TBC1D5: variants seen among roughly 807,000 people sequenced by gnomAD.
The protein encoded by TBC1D5 is TBC1 domain family member 5.
A neutral mutation model predicts 100.3 loss-of-function variants in TBC1D5; 75 were observed. The ratio of observed to expected loss-of-function variants is 0.75; its 90% CI spans 0.62 to 0.91. The LOEUF is 0.91. Ranked by LOEUF, TBC1D5 falls within the 40% of genes least tolerant of loss-of-function variation. The pLI, the probability that TBC1D5 is intolerant of heterozygous loss-of-function variation, is 0.00. For missense variants in TBC1D5, 910 were observed against 942.4 expected, an observed-to-expected ratio of 0.97 and a Z score of 0.45; for synonymous variants, 323 against 325.6, an observed-to-expected ratio of 0.99 and a Z score of 0.09.
intron 13 of TBC1D5, among the ~76,000 whole-genome samples, chr3:17,362,109 T>G (rs2091773935): frequency 1.3e-5 from 2 of 152,068 alleles, no homozygotes; most frequent in South Asian, 4.1e-4. Context: ...AGAAAAAAAG[T>G]TGACCAATAC....
chr3:17,483,840 G>T (rs1315120958), intron 3 of TBC1D5, among the ~76,000 whole-genome samples: 1 of 152,126 alleles, frequency 6.6e-6, no homozygotes, highest in African/African-American at 2.4e-5. Context: ...CCTGACAGCT[G>T]TAAAAAATAA....
At chr3:17,337,813 A>G (rs2088177756) in intron 13 of TBC1D5, among the ~76,000 whole-genome samples, 1 of 152,174 alleles carries the variant, frequency 6.6e-6, no homozygotes, top group Admixed American at 6.6e-5. Context: ...ACCAAAATGG[A>G]TAGTTTGATT....
intron 2 of TBC1D5, among the ~76,000 whole-genome samples, chr3:17,544,421 A>T (rs2096392232): frequency 1.3e-5 from 2 of 149,174 alleles, no homozygotes; most frequent in Non-Finnish European, 2.9e-5. Context: ...GGGAGGCCAA[A>T]GCAGGCAGAT....
upstream of TBC1D5, among the ~76,000 whole-genome samples, chr3:17,742,152 C>CCCCGCCCAGCTCGCCCTG (rs2077511903): frequency 1.3e-5 from 2 of 152,318 alleles, no homozygotes; most frequent in South Asian, 4.1e-4. Flanking sequence ...CAAGCAGCCA[C>CCCCGCCCAGCTCGCCCTG]CCCGCCCAGC....
At chr3:17,520,338 G>A (rs1202638933) in intron 2 of TBC1D5, among the ~76,000 whole-genome samples, 1 of 152,128 alleles carries the variant, frequency 6.6e-6, no homozygotes, top group African/African-American at 2.4e-5. Flanking sequence ...TATAGTAAGA[G>A]CTGGAAAGAT....
intron 1 of TBC1D5, among the ~76,000 whole-genome samples, chr3:17,664,582 G>A (rs1438972244): frequency 6.6e-6 from 1 of 152,134 alleles, no homozygotes; most frequent in African/African-American, 2.4e-5. Flanking sequence ...GGGAGAGAGG[G>A]ACAGACAAAA....
intron 17 of TBC1D5, among the ~76,000 whole-genome samples, chr3:17,214,953 G>T: frequency 6.6e-6 from 1 of 152,032 alleles, no homozygotes; most frequent in Non-Finnish European, 1.5e-5. Flanking sequence ...CAGGATCTTC[G>T]GTGTTCAAGG....
At position 17,209,136 on chromosome 3, in the gene TBC1D5, T is replaced by G. The variant is rs1401640386; in HGVS notation, c.1752+5071A>C. Among the ~76,000 whole-genome samples, 3 of 152,196 alleles carry G rather than the reference T, an allele frequency of 2.0e-5. 1 individual carries two copies. On this transcript the variant is annotated intron_variant, in intron 18 of 21. Transcript: ENST00000253692. Reference sequence around the variant, plus strand: ...TTTGTTTTTTCACCTCTATATCATCTATGTATCTATGTATCTATCTAGTCT... The same window carrying G: ...TTTGTTTTTTCACCTCTATATCATCGATGTATCTATGTATCTATCTAGTCT...
chr3:17,650,558 AAGAGAAACC>A (rs1180335938), intron 1 of TBC1D5, among the ~76,000 whole-genome samples: 3 of 152,222 alleles, frequency 2.0e-5, no homozygotes, highest in African/African-American at 7.2e-5. Flanking sequence ...CATCAGACAG[AAGAGAAACC>A]AGAAGCCAAA....
intron 1 of TBC1D5, among the ~76,000 whole-genome samples, chr3:17,627,795 C>T (rs1292209565): frequency 6.6e-6 from 1 of 151,826 alleles, no homozygotes; most frequent in Admixed American, 6.6e-5. Context: ...AAAGAAAAAG[C>T]TGGACATTTT....
At chr3:17,456,697 G>A (rs2095092705) in intron 3 of TBC1D5, among the ~76,000 whole-genome samples, 2 of 152,178 alleles carry the variant, frequency 1.3e-5, no homozygotes, top group Admixed American at 6.5e-5. Context: ...TGGTGGCAAT[G>A]TAAGTTAGTA....
At chr3:17,217,126 C>G (rs1252566188) in intron 17 of TBC1D5, among the ~76,000 whole-genome samples, 2 of 152,096 alleles carry the variant, frequency 1.3e-5, no homozygotes, top group Admixed American at 1.3e-4. Flanking sequence ...TGGAGTGATA[C>G]TATATGTGGT....
rs190217128 is a variant in TBC1D5 at position 17,162,575 on chromosome 3, G to A, written c.2095-1319C>T. On this transcript the variant is annotated intron_variant, in intron 21 of 21. Transcript: ENST00000253692. ...ACAGGCCTTGAGGTTCTTCATCTCAGGTTCTAAAGCTGTTGTTAACATTCT... is the reference window on the plus strand; with the variant it reads ...ACAGGCCTTGAGGTTCTTCATCTCAAGTTCTAAAGCTGTTGTTAACATTCT... Among the ~76,000 whole-genome samples, 431 of 152,224 alleles carry A rather than the reference G, an allele frequency of 2.8e-3. 2 individuals are homozygous for A. The highest frequency in any genetic ancestry group is 9.9e-3 in the African/African-American group (411 of 41,470).
At chr3:17,167,693 G>T (rs2066774867) in intron 20 of TBC1D5, 56 bp downstream of exon 21, 4 of 1,513,256 alleles carry the variant, frequency 2.6e-6, no homozygotes, top group Non-Finnish European at 1.8e-6. Context: ...TGCCCTGGGG[G>T]GCCCTCCCCG....
intron 15 of TBC1D5, among the ~76,000 whole-genome samples, chr3:17,281,735 T>C (rs937687191): frequency 3.3e-5 from 5 of 152,242 alleles, no homozygotes; most frequent in Non-Finnish European, 7.3e-5. Flanking sequence ...ATTATAGTTA[T>C]ACAGTTTACT....
chr3:17,677,693 A>C (rs2068828105), intron 1 of TBC1D5, among the ~76,000 whole-genome samples: 1 of 152,236 alleles, frequency 6.6e-6, no homozygotes, highest in Non-Finnish European at 1.5e-5. Flanking sequence ...AGACACATGC[A>C]CACGTATGTT....
chr3:17,698,786 T>C (rs1162324003), intron 1 of TBC1D5, among the ~76,000 whole-genome samples: 1 of 147,200 alleles, frequency 6.8e-6, no homozygotes, highest in Non-Finnish European at 1.5e-5. Flanking sequence ...AAAAGACACA[T>C]GAAAAAATGC....
chr3:17,533,926 G>C (rs2096258680), intron 2 of TBC1D5, among the ~76,000 whole-genome samples: 1 of 139,496 alleles, frequency 7.2e-6, no homozygotes, highest in African/African-American at 3.0e-5. Flanking sequence ...ATTTCATATT[G>C]AACCTTCAAA....
At chr3:17,565,320 A>C (rs1021936511) in intron 2 of TBC1D5, among the ~76,000 whole-genome samples, 1 of 152,268 alleles carries the variant, frequency 6.6e-6, no homozygotes, top group African/African-American at 2.4e-5. Flanking sequence ...GTTCGTTGAA[A>C]GCAGTATTAA....
Sources: gnomAD v4.1 joint callset for allele counts (sites outside exome capture counted in the v4.1 genomes callset) on GRCh38, gnomAD v4.1.1 for gene constraint, MANE v1.5 for transcripts, NCBI Gene and HGNC (gene_info 2026-07-23, HGNC 2026-07-21) for gene names.